The following PTPRK variants were observed in gnomAD, a reference collection of about 807,000 sequenced individuals.
The protein encoded by PTPRK is protein tyrosine phosphatase receptor type K.
PTPRK carries 75 observed loss-of-function variants against 178.0 expected under a neutral mutation model. The ratio of observed to expected loss-of-function variants is 0.42; its 90% CI spans 0.35 to 0.51. The LOEUF (loss-of-function observed/expected upper bound fraction) is 0.51. Among genes scored for constraint, PTPRK ranks in the 20% least tolerant of loss-of-function variants. The pLI is 0.02. For missense variants in PTPRK, 1,441 were observed against 1,797.8 expected (o/e 0.80, Z 3.59); for synonymous variants, 637 against 620.6 (o/e 1.03, Z -0.39).
intron 13 of PTPRK, among the ~76,000 whole-genome samples, chr6:128,045,180 G>A (rs1043447418): frequency 7.9e-5 from 12 of 151,824 alleles, no homozygotes; most frequent in African/African-American, 2.4e-4. Context: ...GAATACTTAC[G>A]TATAGTATAC....
At chr6:128,469,604 A>G (rs1850342707) in intron 1 of PTPRK, among the ~76,000 whole-genome samples, 1 of 152,178 alleles carries the variant, frequency 6.6e-6, no homozygotes, top group African/African-American at 2.4e-5. Context: ...GAATATTTAG[A>G]TTAGACTTGT....
At chr6:128,093,077 A>G (rs1787261096) in intron 7 of PTPRK, among the ~76,000 whole-genome samples, 1 of 152,216 alleles carries the variant, frequency 6.6e-6, no homozygotes, top group Non-Finnish European at 1.5e-5. Flanking sequence ...TGGTGAAACA[A>G]TGGAGAACAC....
At chr6:128,148,629 T>G (rs1796829332) in intron 7 of PTPRK, among the ~76,000 whole-genome samples, 1 of 152,144 alleles carries the variant, frequency 6.6e-6, no homozygotes, top group South Asian at 2.1e-4. Context: ...TTGATATTCC[T>G]TAACAGGTTA....
intron 1 of PTPRK, among the ~76,000 whole-genome samples, chr6:128,496,457 T>C (rs7760626): frequency 0.07 from 10,601 of 152,214 alleles, 746 homozygotes; most frequent in African/African-American, 0.18. Flanking sequence ...CGCAGAATGT[T>C]GTAAATATGG....
intron 2 of PTPRK, among the ~76,000 whole-genome samples, chr6:128,379,298 G>T (rs1837541823): frequency 6.6e-6 from 1 of 152,064 alleles, no homozygotes; most frequent in Non-Finnish European, 1.5e-5. Context: ...GCACTGCCAT[G>T]AACCATGTGA....
At chr6:128,315,081 A>C (rs1025661789) in intron 3 of PTPRK, among the ~76,000 whole-genome samples, 3 of 152,136 alleles carry the variant, frequency 2.0e-5, no homozygotes, top group African/African-American at 7.2e-5. Context: ...TTATGGAGCT[A>C]AATTGACTTC....
intron 1 of PTPRK, among the ~76,000 whole-genome samples, chr6:128,432,573 G>A (rs1844973586): frequency 6.6e-6 from 1 of 152,128 alleles, no homozygotes; most frequent in Non-Finnish European, 1.5e-5. Flanking sequence ...ATATGCCTAT[G>A]TCCCTGTTTC....
chr6:128,128,065 A>G (rs564089853), intron 7 of PTPRK, among the ~76,000 whole-genome samples: 4 of 152,230 alleles, frequency 2.6e-5, no homozygotes, highest in Non-Finnish European at 5.9e-5. Flanking sequence ...GGCTGCTATC[A>G]TCTAAAACCA....
intron 3 of PTPRK, among the ~76,000 whole-genome samples, chr6:128,265,791 T>C (rs183579510): frequency 1.3e-5 from 2 of 152,274 alleles, no homozygotes; most frequent in Admixed American, 1.3e-4. Context: ...AATTCATACA[T>C]GTCATGGTCC....
chr6:128,007,940 C>T, intron 14 of PTPRK: 2 of 722,960 alleles, frequency 2.8e-6, no homozygotes, highest in South Asian at 1.5e-5. Flanking sequence ...TTTTGCCTCA[C>T]ATATGATGTA....
intron 7 of PTPRK, among the ~76,000 whole-genome samples, chr6:128,138,905 C>T (rs1382862266): frequency 6.6e-6 from 1 of 151,966 alleles, no homozygotes; most frequent in Non-Finnish European, 1.5e-5. Context: ...AAACAAGTCA[C>T]ATGGGACATA....
chr6:128,451,303 C>CA (rs1424197572), intron 1 of PTPRK, among the ~76,000 whole-genome samples: 6 of 152,232 alleles, frequency 3.9e-5, no homozygotes, highest in South Asian at 4.1e-4. Context: ...ACCCAAACTA[C>CA]AAAAAACACC....
intron 7 of PTPRK, among the ~76,000 whole-genome samples, chr6:128,104,089 G>A (rs1362027918): frequency 4.6e-5 from 7 of 151,944 alleles, no homozygotes; most frequent in Admixed American, 2.0e-4. Flanking sequence ...TCCTTTCCTC[G>A]CCTCCTGTAA....
chr6:128,141,895 T>C (rs1795819378), intron 7 of PTPRK, among the ~76,000 whole-genome samples: 1 of 151,962 alleles, frequency 6.6e-6, no homozygotes, highest in Non-Finnish European at 1.5e-5. Flanking sequence ...TTCAATTTTA[T>C]AAGACTGTTC....
chr6:127,972,981 A>G (rs1221814359), intron 29 of PTPRK, 41 bp downstream of exon 29: 2 of 1,592,342 alleles, frequency 1.3e-6, no homozygotes, highest in African/African-American at 2.7e-5. Flanking sequence ...TGACTAACTA[A>G]TCTCTAAGAT....
intron 1 of PTPRK, among the ~76,000 whole-genome samples, chr6:128,489,583 A>G (rs138797093): frequency 6.6e-6 from 1 of 152,256 alleles, no homozygotes; most frequent in Admixed American, 6.5e-5. Context: ...ATATAAAATC[A>G]ATAAAATCTA....
chr6:128,126,291 ATGAG>A (rs1347260149), intron 7 of PTPRK, among the ~76,000 whole-genome samples: 1 of 151,908 alleles, frequency 6.6e-6, no homozygotes, highest in Non-Finnish European at 1.5e-5. Flanking sequence ...TTGTTCATTT[ATGAG>A]TGAGACAAGC....
chr6:128,468,360 T>A (rs1359331439), intron 1 of PTPRK, among the ~76,000 whole-genome samples: 2 of 152,122 alleles, frequency 1.3e-5, no homozygotes, highest in African/African-American at 4.8e-5. Flanking sequence ...ATCACACAAA[T>A]CCTGAATTTC....
intron 12 of PTPRK, among the ~76,000 whole-genome samples, chr6:128,065,955 T>C (rs1291789580): frequency 6.6e-6 from 1 of 152,218 alleles, no homozygotes; most frequent in Non-Finnish European, 1.5e-5. Flanking sequence ...ATTCTGTACT[T>C]TGATTAAACC....
Sources: allele counts gnomAD v4.1 joint callset (sites outside exome capture counted in the v4.1 genomes callset), GRCh38; gene constraint gnomAD v4.1.1; transcripts MANE v1.5; gene names NCBI Gene and HGNC (gene_info 2026-07-23, HGNC 2026-07-21).